The following NEDD4L variants were observed in gnomAD, a reference collection of about 807,000 sequenced individuals.
NEDD4L encodes E3 ubiquitin-protein ligase NEDD4-like.
In NEDD4L, 54 loss-of-function variants were observed where a neutral mutation model predicts 148.9. The ratio of observed to expected loss-of-function variants is 0.36; its 90% CI spans 0.29 to 0.45. The LOEUF (loss-of-function observed/expected upper bound fraction) is 0.45. Among genes scored for constraint, NEDD4L ranks in the 20% least tolerant of loss-of-function variants. NEDD4L has a pLI of 1.00. For missense variants in NEDD4L, 856 were observed against 1,233.8 expected, an observed-to-expected ratio of 0.69 and a Z score of 4.59; for synonymous variants, 433 against 440.7, an observed-to-expected ratio of 0.98 and a Z score of 0.22.
At chr18:58,346,887 G>A (rs1383228589) in intron 16 of NEDD4L, among the ~76,000 whole-genome samples, 4 of 151,574 alleles carry the variant, frequency 2.6e-5, no homozygotes, top group Admixed American at 2.6e-4. Context: ...AGCCTTGACC[G>A]CCACTTCATG....
intron 1 of NEDD4L, among the ~76,000 whole-genome samples, chr18:58,122,795 G>C (rs1456948476): frequency 2.0e-5 from 3 of 151,958 alleles, no homozygotes; most frequent in Non-Finnish European, 4.4e-5. Context: ...GAGTGCAATG[G>C]CATGATCTCG....
At chr18:58,340,140 A>G (rs1164307691) in intron 13 of NEDD4L, among the ~76,000 whole-genome samples, 1 of 152,160 alleles carries the variant, frequency 6.6e-6, no homozygotes, top group South Asian at 2.1e-4. Context: ...TGCATCGCCT[A>G]TGCATTCAAG....
At chr18:58,272,233 T>A (rs1480060187) in intron 5 of NEDD4L, among the ~76,000 whole-genome samples, 1 of 152,202 alleles carries the variant, frequency 6.6e-6, no homozygotes, top group African/African-American at 2.4e-5. Flanking sequence ...AAACAAATCC[T>A]TACTGATAAT....
chr18:58,205,192 T>A (rs1023170465), intron 2 of NEDD4L, among the ~76,000 whole-genome samples: 1 of 152,244 alleles, frequency 6.6e-6, no homozygotes, highest in Non-Finnish European at 1.5e-5. Context: ...TTTAATTAAC[T>A]CCTAATGAAC....
At chr18:58,158,693 T>C (rs1239179245) in intron 1 of NEDD4L, among the ~76,000 whole-genome samples, 4 of 152,224 alleles carry the variant, frequency 2.6e-5, no homozygotes, top group Non-Finnish European at 5.9e-5. Context: ...TGTGTTGGGC[T>C]GCCAGTGGTG....
intron 5 of NEDD4L, among the ~76,000 whole-genome samples, chr18:58,288,892 A>G (rs1048876307): frequency 1.3e-5 from 2 of 152,238 alleles, no homozygotes; most frequent in Admixed American, 1.3e-4. Flanking sequence ...CCATGTTCTC[A>G]GTATAGATTC....
chr18:58,306,900 CTGGG>C (rs2057129088), intron 5 of NEDD4L, among the ~76,000 whole-genome samples: 1 of 152,228 alleles, frequency 6.6e-6, no homozygotes, highest in East Asian at 1.9e-4. Flanking sequence ...TCCCAAAGTG[CTGGG>C]ATTACAGGCG....
intron 2 of NEDD4L, among the ~76,000 whole-genome samples, chr18:58,234,334 C>T (rs189143043): frequency 6.8e-5 from 9 of 133,158 alleles, no homozygotes; most frequent in African/African-American, 1.7e-4. Context: ...TTCTCTCCCT[C>T]CCTCCCTCCT....
Position 58,263,660 on chromosome 18 carries a change from C to CTTTTT in NEDD4L, c.297+11620_297+11624dup, listed in dbSNP as rs71173041. 2.6e-4 allele frequency among the ~76,000 whole-genome samples: 27 copies of CTTTTT among 103,686 alleles called. 1 individual carries two copies. Among genetic ancestry groups the CTTTTT allele is most frequent in the African/African-American group, 4.4e-4 (12 of 27,378 alleles). The allele number at this position is 103,686 out of a possible 152,430, so 68.0% of individuals were successfully genotyped here. On this transcript the variant is annotated intron_variant, in intron 5 of 30. Transcript: ENST00000400345. The stretch of plus-strand genomic sequence containing the variant: ...GTGATAATAAATCCTACTTCTTAGG[C>CTTTTT]TTTTTTTTTTTTTTTTTTCTCTCTC...
chr18:58,185,961 G>A (rs1290570535), intron 2 of NEDD4L, among the ~76,000 whole-genome samples: 6 of 152,162 alleles, frequency 3.9e-5, no homozygotes, highest in African/African-American at 9.7e-5. Context: ...AGTTCTGCCA[G>A]TTCATGCAGC....
intron 9 of NEDD4L, among the ~76,000 whole-genome samples, chr18:58,325,619 T>A (rs946224273): frequency 6.6e-5 from 10 of 151,980 alleles, no homozygotes; most frequent in Admixed American, 1.3e-4. Flanking sequence ...ACCTCAAAAA[T>A]TTTTTTTTCT....
At chr18:58,102,050 T>C (rs2084783662) in intron 1 of NEDD4L, among the ~76,000 whole-genome samples, 1 of 152,224 alleles carries the variant, frequency 6.6e-6, no homozygotes, top group Non-Finnish European at 1.5e-5. Flanking sequence ...TCCACTTAAC[T>C]CCTAGCCTAA....
chr18:58,327,884 C>A (rs373557756), intron 9 of NEDD4L, among the ~76,000 whole-genome samples: 37 of 152,068 alleles, frequency 2.4e-4, no homozygotes, highest in African/African-American at 7.7e-4. Flanking sequence ...ACACTAAAAG[C>A]CTCTGACTAG....
chr18:58,147,598 G>A (rs747556863), intron 1 of NEDD4L, among the ~76,000 whole-genome samples: 4 of 152,150 alleles, frequency 2.6e-5, no homozygotes, highest in Non-Finnish European at 5.9e-5. Flanking sequence ...GCTCAGTTTT[G>A]CATAAACATC....
chr18:58,113,246 T>C (rs2085529073), intron 1 of NEDD4L, among the ~76,000 whole-genome samples: 1 of 152,164 alleles, frequency 6.6e-6, no homozygotes, highest in East Asian at 1.9e-4. Context: ...GAGTGATGAG[T>C]CTGAATTTCA....
intron 1 of NEDD4L, among the ~76,000 whole-genome samples, chr18:58,089,974 G>A (rs912510376): frequency 6.6e-6 from 1 of 151,956 alleles, no homozygotes; most frequent in African/African-American, 2.4e-5. Context: ...TGAGTAGCTG[G>A]GATTACAGGT....
At chr18:58,259,045 C>T (rs954601106) in intron 5 of NEDD4L, among the ~76,000 whole-genome samples, 13 of 152,262 alleles carry the variant, frequency 8.5e-5, no homozygotes, top group Admixed American at 4.6e-4. Context: ...TGGAATGATA[C>T]GGAAAGTCTT....
intron 5 of NEDD4L, among the ~76,000 whole-genome samples, chr18:58,288,820 A>G (rs1169038995): frequency 6.6e-6 from 1 of 152,224 alleles, no homozygotes; most frequent in African/African-American, 2.4e-5. Context: ...AAAAAGTTCA[A>G]ATAACTAATG....
rs772361229 is a variant in NEDD4L at position 58,390,638 on chromosome 18, G to T, written c.2656-8G>T. ...GGGGGTATAATGACCTTCTGCCTCT[G>T]TTCATAGGCTGTGCTACTCATGGAC... On this transcript the variant is annotated splice_region_variant and splice_polypyrimidine_tract_variant and intron_variant, in intron 28 of 30. Coordinates refer to ENST00000400345, the MANE Select transcript of NEDD4L (RefSeq NM_001144967.3). 2 of 1,571,762 alleles carry T rather than the reference G, an allele frequency of 1.3e-6. No homozygotes were observed. Among genetic ancestry groups the T allele is most frequent in the South Asian group, 2.3e-5 (2 of 85,750 alleles).
Sources: gnomAD v4.1 joint callset for allele counts (sites outside exome capture counted in the v4.1 genomes callset) on GRCh38, gnomAD v4.1.1 for gene constraint, MANE v1.5 for transcripts, NCBI Gene and HGNC (gene_info 2026-07-23, HGNC 2026-07-21) for gene names.